The following DISC1 variants were observed in gnomAD, a reference collection of about 807,000 sequenced individuals.
The protein encoded by DISC1 is disrupted in schizophrenia 1 protein.
In DISC1, 57 loss-of-function variants were observed where a neutral mutation model predicts 84.5. That is an observed-to-expected ratio of 0.67 (90% CI 0.55 to 0.84). DISC1 has a LOEUF of 0.84. Among genes scored for constraint, DISC1 ranks in the 40% least tolerant of loss-of-function variants. The pLI is 0.00. For missense variants in DISC1, 1,000 were observed against 1,057.8 expected (o/e 0.95, Z 0.76); for synonymous variants, 411 against 415.2 (o/e 0.99, Z 0.12).
intron 4 of DISC1, 48 bp downstream of exon 4, chr1:231,750,124 C>A: frequency 1.3e-6 from 2 of 1,589,612 alleles, no homozygotes; most frequent in Non-Finnish European, 1.7e-6. Context: ...TTCTTCCTAC[C>A]TCTCAGCTCC....
At position 231,833,607 on chromosome 1, in the gene DISC1, G is replaced by A. The variant is rs567080577; in HGVS notation, c.1981+15090G>A. On this transcript the variant is annotated intron_variant, in intron 9 of 12. Transcript: ENST00000439617. ...GTGGAGTCCCGCACAGATGAGACGC[G>A]GCTTAGGAGGAATCCTGGGCTGCGG... Among the ~76,000 whole-genome samples, 9 of 149,312 alleles carry A rather than the reference G, an allele frequency of 6.0e-5. 1 individual carries two copies. Among genetic ancestry groups the A allele is most frequent in the African/African-American group, 1.3e-4 (5 of 38,704 alleles).
chr1:231,818,607 C>T (rs934538551), intron 9 of DISC1, 90 bp downstream of exon 9: 23 of 1,570,800 alleles, frequency 1.5e-5, no homozygotes, highest in Admixed American at 7.4e-5. Flanking sequence ...CTTATGTGAA[C>T]GTCACTGTGA....
chr1:232,002,943 A>G lies in DISC1; in HGVS notation c.2043-5842A>G, dbSNP rs146326796. On this transcript the variant is annotated intron_variant, in intron 10 of 12. Transcript: ENST00000439617. ...AGATCAGTGGATTTTATCAATGTCA[A>G]TACTCTGGCATGATATTGCACTACT... Among the ~76,000 whole-genome samples the G allele has an allele frequency of 1.0e-2, 1,521 of 152,310 alleles. 19 individuals carry two copies. Among genetic ancestry groups the G allele is most frequent in the Middle Eastern group, 0.017 (5 of 294 alleles).
chr1:231,907,066 CTT>C, intron 9 of DISC1, among the ~76,000 whole-genome samples: 1 of 134,688 alleles, frequency 7.4e-6, no homozygotes, highest in Non-Finnish European at 1.6e-5. Context: ...CCCTTCCTTC[CTT>C]CCCTCCCTCC....
At chr1:231,968,591 CAAAAAAAAAA>C (rs34437165) in intron 10 of DISC1, among the ~76,000 whole-genome samples, 1 of 89,074 alleles carries the variant, frequency 1.1e-5, no homozygotes, top group Non-Finnish European at 2.4e-5. Context: ...GACTCCGTCT[CAAAAAAAAAA>C]AAAAAAAAGC....
chr1:231,722,038 G>A (rs567898068), intron 3 of DISC1, among the ~76,000 whole-genome samples: 18 of 151,620 alleles, frequency 1.2e-4, no homozygotes, highest in South Asian at 8.4e-4. Context: ...CTGTAATCCC[G>A]GCTACTCGGG....
intron 9 of DISC1, among the ~76,000 whole-genome samples, chr1:231,885,683 T>C (rs2086629903): frequency 6.6e-6 from 1 of 152,216 alleles, no homozygotes; most frequent in African/African-American, 2.4e-5. Context: ...CCAGTCCGTG[T>C]GTCAGTCCTG....
chr1:231,831,425 A>T (rs1574134254), intron 9 of DISC1, among the ~76,000 whole-genome samples: 2 of 152,234 alleles, frequency 1.3e-5, no homozygotes. Context: ...TCTAAGAACC[A>T]TTTGCCTTGT....
At chr1:231,865,161 C>T (rs1049867469) in intron 9 of DISC1, among the ~76,000 whole-genome samples, 3 of 152,182 alleles carry the variant, frequency 2.0e-5, no homozygotes, top group Non-Finnish European at 2.9e-5. Flanking sequence ...GAGCCAGAAC[C>T]CTGTCTTTCG....
intron 10 of DISC1, among the ~76,000 whole-genome samples, chr1:231,981,749 G>T (rs755081374): frequency 6.6e-6 from 1 of 152,172 alleles, no homozygotes; most frequent in Non-Finnish European, 1.5e-5. Flanking sequence ...AGATGCTTAT[G>T]AGTGAAGGCC....
intron 8 of DISC1, among the ~76,000 whole-genome samples, chr1:231,803,575 G>T (rs1173356082): frequency 6.6e-6 from 1 of 152,232 alleles, no homozygotes; most frequent in South Asian, 2.1e-4. Context: ...TGCCACAAGA[G>T]CTGTGCCCTA....
chr1:231,672,297 C>G (rs946151128), intron 1 of DISC1, among the ~76,000 whole-genome samples: 1 of 152,170 alleles, frequency 6.6e-6, no homozygotes, highest in African/African-American at 2.4e-5. Flanking sequence ...CAGTTGGGGA[C>G]ATGAACTCAT....
intron 3 of DISC1, among the ~76,000 whole-genome samples, chr1:231,716,597 A>G (rs2068764014): frequency 6.6e-6 from 1 of 152,138 alleles, no homozygotes; most frequent in African/African-American, 2.4e-5. Context: ...AGGAAAAAAA[A>G]TGGAAAGGGA....
At chr1:231,714,212 CAT>C (rs1470548304) in intron 3 of DISC1, among the ~76,000 whole-genome samples, 1 of 152,040 alleles carries the variant, frequency 6.6e-6, no homozygotes, top group Non-Finnish European at 1.5e-5. Flanking sequence ...TACATTAAAA[CAT>C]GTAAAATAGA....
intron 9 of DISC1, among the ~76,000 whole-genome samples, chr1:231,955,528 T>C (rs1429051731): frequency 6.6e-6 from 1 of 151,568 alleles, no homozygotes; most frequent in Non-Finnish European, 1.5e-5. Flanking sequence ...TGCTTTTTGT[T>C]GCCCAGGCTG....
intron 9 of DISC1, among the ~76,000 whole-genome samples, chr1:231,938,613 G>A (rs574366281): frequency 1.7e-4 from 26 of 152,296 alleles, no homozygotes; most frequent in Admixed American, 1.2e-3. Context: ...AGAGCCAGCC[G>A]AGTCCTTCTG....
chr1:231,779,201 C>G (rs74144132), intron 6 of DISC1, among the ~76,000 whole-genome samples: 3 of 152,266 alleles, frequency 2.0e-5, no homozygotes, highest in African/African-American at 7.2e-5. Context: ...CATGGCAGTC[C>G]TTGCACCGCC....
At chr1:231,866,191 C>CA (rs1308766615) in intron 9 of DISC1, among the ~76,000 whole-genome samples, 1 of 152,000 alleles carries the variant, frequency 6.6e-6, no homozygotes, top group African/African-American at 2.4e-5. Flanking sequence ...ACGTGCAGAG[C>CA]AAAAAGAGCT....
chr1:231,907,322 C>G (rs2088816287), intron 9 of DISC1, among the ~76,000 whole-genome samples: 1 of 151,592 alleles, frequency 6.6e-6, no homozygotes, highest in East Asian at 1.9e-4. Context: ...CCCACTCCCC[C>G]CACCCCACAA....
Sources: gnomAD v4.1 joint callset for allele counts (sites outside exome capture counted in the v4.1 genomes callset) on GRCh38, gnomAD v4.1.1 for gene constraint, MANE v1.5 for transcripts, NCBI Gene and HGNC (gene_info 2026-07-23, HGNC 2026-07-21) for gene names.